Variants in PRSS38 observed in about 807,000 individuals in gnomAD.
The protein encoded by PRSS38 is serine protease 38.
In PRSS38, 22 loss-of-function variants were observed where a neutral mutation model predicts 26.8. The observed-to-expected ratio is 0.82, with a 90% CI of 0.59 to 1.17. PRSS38 has a LOEUF of 1.17. PRSS38 is among the 50% of genes most tolerant of loss of function. The probability of loss-of-function intolerance (pLI) is 0.00; values close to 1 mark genes in which losing one functional copy is unlikely to be tolerated. For missense variants in PRSS38, 427 were observed against 422.7 expected (o/e 1.01, Z -0.09); for synonymous variants, 175 against 172.1 (o/e 1.02, Z -0.13).
intron 4 of PRSS38, 72 bp from the exon 5 acceptor site, chr1:227,845,882 C>T: frequency 6.3e-7 from 1 of 1,578,006 alleles, no homozygotes; most frequent in Non-Finnish European, 8.6e-7. Context: ...CCCCTTGCAC[C>T]CTGGGGGACA....
At chr1:227,840,489 T>G (rs939753484) in intron 3 of PRSS38, among the ~76,000 whole-genome samples, 3 of 152,178 alleles carry the variant, frequency 2.0e-5, no homozygotes, top group Non-Finnish European at 2.9e-5. Context: ...TGAAAATTAT[T>G]TAAAACTCAA....
intron 3 of PRSS38, among the ~76,000 whole-genome samples, chr1:227,829,857 G>A (rs983806174): frequency 1.3e-5 from 2 of 152,162 alleles, no homozygotes; most frequent in South Asian, 4.1e-4. Flanking sequence ...ACTGGGAATA[G>A]TGGATATCCT....
At chr1:227,815,956 C>T (rs547046630) in intron 1 of PRSS38, 92 bp downstream of exon 1, 850 of 1,504,486 alleles carry the variant, frequency 5.6e-4, no homozygotes, top group Non-Finnish European at 7.1e-4. Context: ...GTCGCCTGCC[C>T]ATCCCTTCCC....
chr1:227,837,993 C>T (rs1665262850), intron 3 of PRSS38, among the ~76,000 whole-genome samples: 1 of 152,092 alleles, frequency 6.6e-6, no homozygotes, highest in African/African-American at 2.4e-5. Flanking sequence ...TGGCCTCAAG[C>T]GTTCCTCCCA....
At chr1:227,836,151 T>C (rs1174286154) in intron 3 of PRSS38, among the ~76,000 whole-genome samples, 1 of 151,844 alleles carries the variant, frequency 6.6e-6, no homozygotes, top group Non-Finnish European at 1.5e-5. Flanking sequence ...CAGACTGGAG[T>C]GCAGTAATAT....
intron 3 of PRSS38, among the ~76,000 whole-genome samples, chr1:227,823,357 C>T (rs1345159436): frequency 1.3e-5 from 2 of 151,528 alleles, no homozygotes; most frequent in Non-Finnish European, 2.9e-5. Context: ...TACACAAACA[C>T]ACCACATTTT....
At chr1:227,836,037 A>G (rs1300742911) in intron 3 of PRSS38, among the ~76,000 whole-genome samples, 3 of 152,078 alleles carry the variant, frequency 2.0e-5, no homozygotes, top group African/African-American at 7.2e-5. Flanking sequence ...CAGGAGTTTG[A>G]GAAAAGCCTG....
At chr1:227,831,838 C>A (rs138255417) in intron 3 of PRSS38, among the ~76,000 whole-genome samples, 3 of 151,638 alleles carry the variant, frequency 2.0e-5, no homozygotes, top group African/African-American at 7.3e-5. Flanking sequence ...AGTGACAGAG[C>A]GAGACTCCAT....
rs183008512 is a variant in PRSS38, at chr1:227,843,617, G to A, written c.584-1853G>A. ...CTTGGGAGTCTGAAGCAGGAGAATC[G>A]CTTGAACCTGGGAGGCAGAGGTTGC... On this transcript the variant is annotated intron_variant, in intron 3 of 4. Coordinates refer to ENST00000366757, the Ensembl canonical transcript of PRSS38. Among the ~76,000 whole-genome samples, 224 of 152,140 alleles carry A rather than the reference G, an allele frequency of 1.5e-3. 1 individual carries two copies. The highest frequency in any genetic ancestry group is 2.3e-3 in the Non-Finnish European group (159 of 67,998).
intron 3 of PRSS38, among the ~76,000 whole-genome samples, chr1:227,833,056 C>G (rs1160970683): frequency 2.0e-5 from 3 of 152,150 alleles, no homozygotes; most frequent in Non-Finnish European, 4.4e-5. Context: ...AATGCAAAGA[C>G]AGCTGATGTT....
chr1:227,822,039 T>C (rs1665010470), intron 3 of PRSS38, among the ~76,000 whole-genome samples: 1 of 152,126 alleles, frequency 6.6e-6, no homozygotes, highest in South Asian at 2.1e-4. Flanking sequence ...TCCTTTCTAA[T>C]CCTTAGATTT....
At chr1:227,834,466 C>T (rs148142000) in intron 3 of PRSS38, among the ~76,000 whole-genome samples, 1,793 of 152,038 alleles carry the variant, frequency 0.012, 41 homozygotes, top group African/African-American at 0.04. Context: ...CCTAGGAGTT[C>T]GAGACCAGCC....
At chr1:227,826,807 T>G (rs1008849249) in intron 3 of PRSS38, among the ~76,000 whole-genome samples, 4 of 152,190 alleles carry the variant, frequency 2.6e-5, no homozygotes, top group Admixed American at 6.5e-5. Context: ...TTCAGTATGA[T>G]ATTGGCTGTG....
intron 3 of PRSS38, among the ~76,000 whole-genome samples, chr1:227,824,619 C>T (rs1256128825): frequency 6.6e-6 from 1 of 152,038 alleles, no homozygotes; most frequent in Non-Finnish European, 1.5e-5. Flanking sequence ...AGTATTTCTG[C>T]CTCTGGGTTT....
intron 3 of PRSS38, among the ~76,000 whole-genome samples, chr1:227,832,750 T>C (rs1477091429): frequency 6.6e-6 from 1 of 152,154 alleles, no homozygotes; most frequent in Non-Finnish European, 1.5e-5. Flanking sequence ...ATCCTATATA[T>C]ATAGAAAATC....
intron 3 of PRSS38, among the ~76,000 whole-genome samples, chr1:227,838,955 G>T (rs927523567): frequency 3.3e-5 from 5 of 152,168 alleles, no homozygotes. Flanking sequence ...AAAGTGCTGG[G>T]ATTACAGGCA....
intron 2 of PRSS38, among the ~76,000 whole-genome samples, 165 bp from the exon 3 acceptor site, chr1:227,817,044 G>T (rs1664930232): frequency 6.6e-6 from 1 of 152,204 alleles, no homozygotes; most frequent in South Asian, 2.1e-4. Context: ...TCTTTAGGGG[G>T]CAACTCTTCC....
At chr1:227,831,902 C>G (rs1665158720) in intron 3 of PRSS38, among the ~76,000 whole-genome samples, 1 of 152,130 alleles carries the variant, frequency 6.6e-6, no homozygotes, top group Admixed American at 6.5e-5. Flanking sequence ...GAGTAGAGTA[C>G]TAAAATCTCT....
chr1:227,842,766 G>A (rs7411741), intron 3 of PRSS38, among the ~76,000 whole-genome samples: 125,364 of 151,958 alleles, frequency 0.82, 51,939 homozygotes, highest in South Asian at 0.9. Flanking sequence ...AGTAGAATAC[G>A]GGGTTTCTCC....
Sources: allele counts gnomAD v4.1 joint callset (sites outside exome capture counted in the v4.1 genomes callset), GRCh38; gene constraint gnomAD v4.1.1; transcripts MANE v1.5; gene names NCBI Gene and HGNC (gene_info 2026-07-23, HGNC 2026-07-21).